The following SLCO2B1 variants were observed in gnomAD, a reference collection of about 807,000 sequenced individuals.
SLCO2B1 encodes the protein solute carrier organic anion transporter family member 2B1.
A neutral mutation model predicts 67.3 loss-of-function variants in SLCO2B1; 41 were observed. The observed-to-expected ratio is 0.61, with a 90% CI of 0.47 to 0.79. SLCO2B1 has a LOEUF of 0.79. SLCO2B1 is among the 30% of genes least tolerant of loss of function. The probability of loss-of-function intolerance (pLI) is 0.00; values close to 1 mark genes in which losing one functional copy is unlikely to be tolerated. For missense variants in SLCO2B1, 837 were observed against 920.1 expected (o/e 0.91, Z 1.17); for synonymous variants, 379 against 381.4 (o/e 0.99, Z 0.07).
At chr11:75,186,523 T>G (rs974754943) in intron 7 of SLCO2B1, among the ~76,000 whole-genome samples, 5 of 151,860 alleles carry the variant, frequency 3.3e-5, no homozygotes, top group Non-Finnish European at 7.4e-5. Flanking sequence ...TTTTTTTTAT[T>G]TTTATTTTTA....
At chr11:75,159,806 G>A in intron 1 of SLCO2B1, 1 of 982,380 alleles carries the variant, frequency 1.0e-6, no homozygotes, top group Non-Finnish European at 1.2e-6. Flanking sequence ...AAAGGATAAA[G>A]TACTCCCAGG....
chr11:75,190,862 A>G (rs1945012342), intron 8 of SLCO2B1, among the ~76,000 whole-genome samples: 1 of 152,156 alleles, frequency 6.6e-6, no homozygotes, highest in Non-Finnish European at 1.5e-5. Context: ...TGGGGGAGAC[A>G]CTGTGCTGTG....
chr11:75,204,738 C>A lies in SLCO2B1; in HGVS notation c.*158C>A. 1 of 585,060 alleles carries A rather than the reference C, an allele frequency of 1.7e-6. No individual in the cohort carries two copies. Among genetic ancestry groups the A allele is most frequent in the Non-Finnish European group, 2.8e-6 (1 of 361,222 alleles). 36.2% of individuals were successfully genotyped at this position (585,060 alleles called of 1,614,324 possible). A position where few individuals can be genotyped will look rare whatever the true frequency, so the allele number is the denominator to read the frequency against. ...GGCAAGACATTGATCCTCTCTCAGC[C>A]TTTGCTTGCTAGTCTGAACCAAAGA... is the stretch of plus-strand genomic sequence containing the variant. On this transcript the variant is annotated 3_prime_UTR_variant, in exon 14 of 14. Transcript: ENST00000289575.
At chr11:75,155,231 A>G (rs1949733832) in intron 1 of SLCO2B1, among the ~76,000 whole-genome samples, 1 of 152,076 alleles carries the variant, frequency 6.6e-6, no homozygotes, top group East Asian at 1.9e-4. Context: ...TCCTGCTGGG[A>G]GGAATTTCCC....
intron 1 of SLCO2B1, chr11:75,159,725 G>A (rs1404633171): frequency 5.2e-6 from 2 of 387,416 alleles, no homozygotes; most frequent in African/African-American, 4.3e-5. Context: ...GGAGGAATGT[G>A]GCCAGTGCTT....
chr11:75,193,402 G>A lies in SLCO2B1; in HGVS notation c.1260G>A (p.Ser420=), dbSNP rs753724002. Reference sequence around the variant, plus strand: ...TCATCGGCTGCCTCTCCTTCCCTTCGGTCATCGTGGGCATCGTGGTGGGTG... The same window carrying A: ...TCATCGGCTGCCTCTCCTTCCCTTCAGTCATCGTGGGCATCGTGGTGGGTG... ...NLLIGCLSFP[S]VIVGIVVGGV... is the part of the protein sequence containing the mutation. The change falls in exon 9 of 14, where the codon TCG becomes TCA. Residue 420 remains serine (S), a synonymous_variant. Coordinates refer to ENST00000289575, the MANE Select transcript of SLCO2B1 (RefSeq NM_007256.5). This position sits in a 1 kb window ranked among gnomAD's most constrained non-coding sequence, Gnocchi z 4.2. 21 of 1,614,022 alleles carry A rather than the reference G, an allele frequency of 1.3e-5. No individual in the cohort carries two copies. The highest frequency in any genetic ancestry group is 1.6e-4 in the Middle Eastern group (1 of 6,084).
intron 1 of SLCO2B1, among the ~76,000 whole-genome samples, chr11:75,155,817 A>G (rs901526936): frequency 5.3e-5 from 8 of 152,166 alleles, no homozygotes; most frequent in Admixed American, 2.6e-4. Flanking sequence ...CTCCACGCTG[A>G]GGGGGTACAG....
At chr11:75,168,765 C>T (rs1949923228) in intron 4 of SLCO2B1, among the ~76,000 whole-genome samples, 1 of 152,152 alleles carries the variant, frequency 6.6e-6, no homozygotes, top group Admixed American at 6.5e-5. Flanking sequence ...TGTGACCTCT[C>T]CCTGGAACAC....
chr11:75,194,051 G>A (rs1945066510), intron 9 of SLCO2B1, among the ~76,000 whole-genome samples: 2 of 152,204 alleles, frequency 1.3e-5, no homozygotes. Flanking sequence ...GGAGGCTGCA[G>A]AGGGGACTCA....
chr11:75,184,137 AT>A (rs1950121257), intron 7 of SLCO2B1, among the ~76,000 whole-genome samples: 1 of 151,918 alleles, frequency 6.6e-6, no homozygotes, highest in African/African-American at 2.4e-5. Flanking sequence ...TCTTGCTTTC[AT>A]TTTTTCCCCC....
rs749062012 is a variant in SLCO2B1 at position 75,204,551 on chromosome 11, G to A, written c.2101G>A (p.Gly701Arg). 8.1e-6 allele frequency: 13 copies of A among 1,612,012 alleles called. No homozygotes were observed. In the South Asian group the frequency reaches 1.3e-4, roughly 16 times the overall value. ...VEQQLLVSGP[G>R]KKPEDSRV Reference sequence around the variant, plus strand: ...GCAGCAATTGCTAGTGTCGGGGCCAGGGAAGAAGCCAGAGGATTCCCGAGT... The same window carrying A: ...GCAGCAATTGCTAGTGTCGGGGCCAAGGAAGAAGCCAGAGGATTCCCGAGT... Residue 701 changes from glycine (G) to arginine (R), a missense_variant, in exon 14 of 14, where the codon GGG (glycine) becomes AGG (arginine). Gly to Arg is a moderately radical substitution (Grantham distance 125, BLOSUM62 -2). Transcript: ENST00000289575.
rs947553454 is a variant in SLCO2B1, at chr11:75,193,919, C to A, written c.1433+344C>A. Among the ~76,000 whole-genome samples, 17 of 152,136 alleles carry A rather than the reference C, an allele frequency of 1.1e-4. No individual in the cohort carries two copies. Among genetic ancestry groups the A allele is most frequent in the African/African-American group, 3.6e-4 (15 of 41,444 alleles). On this transcript the variant is annotated intron_variant, in intron 9 of 13. Coordinates refer to ENST00000289575, the MANE Select transcript of SLCO2B1 (RefSeq NM_007256.5). This position sits in a 1 kb window ranked among gnomAD's most constrained non-coding sequence, Gnocchi z 4.2. ...CCCAACAGAGATGAGCCAGAGGCTA[C>A]ATCACAGGAGCCAGGACCCAGCTCA...
At chr11:75,164,186 CTTAAGGCCT>C in intron 3 of SLCO2B1, 86 bp downstream of exon 3, 1 of 1,424,612 alleles carries the variant, frequency 7.0e-7, no homozygotes, top group South Asian at 1.4e-5. Context: ...ACTACCCTAC[CTTAAGGCCT>C]TCCCCTCCCA....
chr11:75,177,453 G>A (rs1385410022), intron 7 of SLCO2B1, among the ~76,000 whole-genome samples: 2 of 152,138 alleles, frequency 1.3e-5, no homozygotes, highest in African/African-American at 2.4e-5. Flanking sequence ...GACATGGCAG[G>A]GGTTAGACAC....
chr11:75,167,587 GC>G (rs1321155396), intron 4 of SLCO2B1, among the ~76,000 whole-genome samples: 1 of 152,160 alleles, frequency 6.6e-6, no homozygotes, highest in African/African-American at 2.4e-5. Flanking sequence ...TGTGTTCTGT[GC>G]CAGGCCCTCT....
intron 4 of SLCO2B1, among the ~76,000 whole-genome samples, chr11:75,167,666 G>A (rs571689932): frequency 2.6e-5 from 4 of 152,256 alleles, no homozygotes; most frequent in South Asian, 4.1e-4. Flanking sequence ...TGCATCTAAC[G>A]TCTAGTAGGC....
rs758683269 is a variant in SLCO2B1 at position 75,200,349 on chromosome 11, C to T, written c.1725C>T (p.Ala575=). ...LLLVSLGSAL[A]CLTHTPSFML... is the part of the protein sequence containing the mutation. ...TGGTCAGCCTGGGCTCGGCCCTGGC[C>T]TGTCTCACCCACACACCCTCCTTCA... is the stretch of plus-strand genomic sequence containing the variant. The change falls in exon 11 of 14, where the codon GCC becomes GCT. Residue 575 remains alanine, a synonymous_variant. Coordinates refer to ENST00000289575, the MANE Select transcript of SLCO2B1 (RefSeq NM_007256.5). 1 of 1,612,042 alleles carries T rather than the reference C, an allele frequency of 6.2e-7. No individual in the cohort carries two copies. Among genetic ancestry groups the T allele is most frequent in the Admixed American group, 1.7e-5 (1 of 59,880 alleles).
intron 1 of SLCO2B1, among the ~76,000 whole-genome samples, chr11:75,160,802 T>C (rs76591427): frequency 0.025 from 3,860 of 152,312 alleles, 174 homozygotes; most frequent in African/African-American, 0.088. Flanking sequence ...AAGCAAGATA[T>C]ACAAATGGCA....
intron 7 of SLCO2B1, among the ~76,000 whole-genome samples, chr11:75,178,431 A>C (rs1270358580): frequency 1.3e-5 from 2 of 152,240 alleles, no homozygotes; most frequent in Non-Finnish European, 2.9e-5. Context: ...ACTAAGAGAA[A>C]AAGTGCCTTT....
Sources: allele counts gnomAD v4.1 joint callset (sites outside exome capture counted in the v4.1 genomes callset), GRCh38; gene constraint gnomAD v4.1.1; non-coding constraint Gnocchi (gnomAD v3.1); transcripts MANE v1.5; gene names NCBI Gene and HGNC (gene_info 2026-07-23, HGNC 2026-07-21).